MPZL1: variants seen among roughly 807,000 people sequenced by gnomAD.
The protein encoded by MPZL1 is myelin protein zero like 1.
MPZL1 carries 16 observed loss-of-function variants against 29.3 expected under a neutral mutation model. That is an observed-to-expected ratio of 0.55 (90% confidence interval 0.37 to 0.83). MPZL1 has a LOEUF of 0.83. Among genes scored for constraint, MPZL1 ranks in the 40% least tolerant of loss-of-function variants. The pLI, the probability that MPZL1 is intolerant of heterozygous loss-of-function variation, is 0.00. For synonymous variants in MPZL1, 143 were observed against 132.0 expected (o/e 1.08, Z -0.57); for missense variants, 279 against 332.9 (o/e 0.84, Z 1.26).
intron 5 of MPZL1, among the ~76,000 whole-genome samples, chr1:167,782,315 A>G (rs1423539534): frequency 6.6e-6 from 1 of 152,152 alleles, no homozygotes; most frequent in African/African-American, 2.4e-5. Flanking sequence ...TTATACCTCA[A>G]AACTGATAAT....
At chr1:167,743,878 C>A (rs1660589569) in intron 1 of MPZL1, among the ~76,000 whole-genome samples, 1 of 152,040 alleles carries the variant, frequency 6.6e-6, no homozygotes, top group Non-Finnish European at 1.5e-5. Flanking sequence ...TTCCTCTTTA[C>A]TGATTTGGAT....
At chr1:167,774,073 G>A (rs1337428564) in intron 4 of MPZL1, among the ~76,000 whole-genome samples, 3 of 152,124 alleles carry the variant, frequency 2.0e-5, no homozygotes, top group African/African-American at 7.2e-5. Context: ...CACCCAAAAT[G>A]GGATAATAAG....
intron 1 of MPZL1, among the ~76,000 whole-genome samples, chr1:167,753,699 G>A (rs914296764): frequency 6.6e-5 from 10 of 151,628 alleles, no homozygotes; most frequent in Non-Finnish European, 1.3e-4. Context: ...GTGCGATCTC[G>A]GCTCACTGCA....
intron 1 of MPZL1, among the ~76,000 whole-genome samples, chr1:167,752,475 T>A (rs896937626): frequency 1.3e-5 from 2 of 152,236 alleles, no homozygotes; most frequent in Admixed American, 1.3e-4. Flanking sequence ...CATTCTTGTG[T>A]ATATTTCCAT....
intron 5 of MPZL1, among the ~76,000 whole-genome samples, chr1:167,786,635 A>G (rs559884365): frequency 1.5e-4 from 23 of 152,290 alleles, no homozygotes; most frequent in Non-Finnish European, 2.9e-4. Flanking sequence ...AGCCCTTACA[A>G]CTGGGCCTGT....
intron 1 of MPZL1, among the ~76,000 whole-genome samples, chr1:167,754,033 T>C (rs968481417): frequency 6.6e-6 from 1 of 152,112 alleles, no homozygotes; most frequent in Non-Finnish European, 1.5e-5. Context: ...AGTCTCACTC[T>C]GTTGCCCAGG....
rs913137609 is a variant in MPZL1 at position 167,790,217 on chromosome 1, T to A, written c.*2296T>A. On this transcript the variant is annotated 3_prime_UTR_variant, in exon 6 of 6. Coordinates refer to ENST00000359523, the MANE Select transcript of MPZL1 (RefSeq NM_003953.6). ...TGCCGGGACCATGTGTTGGTGAAGC[T>A]GGTGCTGTGGGGGCCACTCACTCGA... 2 of 152,606 alleles carry A rather than the reference T, an allele frequency of 1.3e-5. No homozygotes were observed. Among genetic ancestry groups the A allele is most frequent in the African/African-American group, 4.8e-5 (2 of 41,582 alleles). 9.5% of individuals were successfully genotyped at this position (152,606 alleles called of 1,614,324 possible).
Position 167,748,525 on chromosome 1 carries a change from A to C in MPZL1, c.92-17058A>C, listed in dbSNP as rs561450592. 2.0e-5 allele frequency among the ~76,000 whole-genome samples: 3 copies of C among 152,316 alleles called. No individual in the cohort carries two copies. In the South Asian group the frequency reaches 6.2e-4, roughly 32 times the overall value. On this transcript the variant is annotated intron_variant, in intron 1 of 5. Coordinates refer to ENST00000359523, the MANE Select transcript of MPZL1 (RefSeq NM_003953.6). The stretch of plus-strand genomic sequence containing the variant: ...TGGTAAGTGTTCTTTATATATTTGA[A>C]TACAAGTCTCATATATGATTTGCAA...
rs188483765 is a variant in MPZL1 at position 167,765,821 on chromosome 1, A to C, written c.258+72A>C. ...TTTACTGCTGTATAATTGGTGATCCATTTTTCTGATGGTTCATTTCCAAAA... is the reference window on the plus strand; with the variant it reads ...TTTACTGCTGTATAATTGGTGATCCCTTTTTCTGATGGTTCATTTCCAAAA... On this transcript the variant is annotated intron_variant, in intron 2 of 5. Coordinates refer to ENST00000359523, the MANE Select transcript of MPZL1 (RefSeq NM_003953.6). 6.3e-5 allele frequency: 85 copies of C among 1,345,184 alleles called. No individual in the cohort carries two copies. The Admixed American group carries it at 1.5e-3, about 24-fold the overall frequency. 83.3% of individuals were successfully genotyped at this position (1,345,184 alleles called of 1,614,324 possible).
intron 3 of MPZL1, among the ~76,000 whole-genome samples, chr1:167,772,713 C>T (rs931027172): frequency 2.6e-5 from 4 of 152,224 alleles, no homozygotes; most frequent in Admixed American, 6.5e-5. Context: ...TTATTCCTAC[C>T]GTCTGGTGCC....
chr1:167,760,199 G>A, intron 1 of MPZL1, among the ~76,000 whole-genome samples: 1 of 151,944 alleles, frequency 6.6e-6, no homozygotes, highest in South Asian at 2.1e-4. Flanking sequence ...GGTTTCTTTT[G>A]TTTTGTTTTG....
intron 5 of MPZL1, among the ~76,000 whole-genome samples, chr1:167,782,766 G>A (rs1661521772): frequency 6.6e-6 from 1 of 152,102 alleles, no homozygotes. Context: ...CTTAGAAGAG[G>A]GAGGCAGAAG....
intron 1 of MPZL1, among the ~76,000 whole-genome samples, chr1:167,752,987 G>A (rs16859537): frequency 0.039 from 5,975 of 152,302 alleles, 170 homozygotes; most frequent in Middle Eastern, 0.11. Context: ...GGCTCAAGGA[G>A]TTGTGAGTCT....
intron 3 of MPZL1, among the ~76,000 whole-genome samples, chr1:167,773,000 A>G (rs1415586022): frequency 6.6e-6 from 1 of 152,180 alleles, no homozygotes; most frequent in Non-Finnish European, 1.5e-5. Flanking sequence ...TCTTTAGAGC[A>G]CTGAGAGGGA....
chr1:167,747,599 C>A (rs189010771), intron 1 of MPZL1, among the ~76,000 whole-genome samples: 4 of 152,316 alleles, frequency 2.6e-5, no homozygotes, highest in Non-Finnish European at 5.9e-5. Flanking sequence ...GATAAAAAGT[C>A]TTCCTCCTAG....
chr1:167,727,543 T>C (rs553151037), intron 1 of MPZL1, among the ~76,000 whole-genome samples: 2 of 152,326 alleles, frequency 1.3e-5, no homozygotes, highest in African/African-American at 4.8e-5. Context: ...GGTATAATTA[T>C]TAGAAGAACT....
intron 1 of MPZL1, among the ~76,000 whole-genome samples, chr1:167,740,159 T>C (rs1660487141): frequency 6.6e-6 from 1 of 152,370 alleles, no homozygotes; most frequent in East Asian, 1.9e-4. Context: ...TTGCCCTCTT[T>C]AGATCATTCT....
intron 1 of MPZL1, among the ~76,000 whole-genome samples, chr1:167,741,747 T>C (rs1457851866): frequency 1.3e-5 from 2 of 152,090 alleles, no homozygotes; most frequent in South Asian, 2.1e-4. Context: ...AACCCTTTAG[T>C]CTTGGCTGGG....
intron 1 of MPZL1, among the ~76,000 whole-genome samples, chr1:167,762,346 T>G (rs1661006069): frequency 6.6e-6 from 1 of 152,158 alleles, no homozygotes; most frequent in African/African-American, 2.4e-5. Context: ...TGAATTAAAT[T>G]TAAAGGAGTT....
Sources: gnomAD v4.1 joint callset for allele counts (sites outside exome capture counted in the v4.1 genomes callset) on GRCh38, gnomAD v4.1.1 for gene constraint, MANE v1.5 for transcripts, NCBI Gene and HGNC (gene_info 2026-07-23, HGNC 2026-07-21) for gene names.